The following TMPRSS11A variants were observed in gnomAD, a reference collection of about 807,000 sequenced individuals.
The protein encoded by TMPRSS11A is transmembrane protease serine 11A.
TMPRSS11A carries 53 observed loss-of-function variants against 58.9 expected under a neutral mutation model. The observed-to-expected ratio is 0.90, with a 90% CI of 0.72 to 1.13. The LOEUF (loss-of-function observed/expected upper bound fraction) is 1.13, where lower values mean the gene tolerates loss of function less well. Ranked by LOEUF, TMPRSS11A falls within the 50% of genes most tolerant of loss-of-function variation. The pLI, the probability that TMPRSS11A is intolerant of heterozygous loss-of-function variation, is 0.00. For missense variants in TMPRSS11A, 493 were observed against 499.3 expected (o/e 0.99, Z 0.12); for synonymous variants, 167 against 169.8 (o/e 0.98, Z 0.13).
intron 1 of TMPRSS11A, among the ~76,000 whole-genome samples, chr4:67,958,552 G>A (rs1248429533): frequency 1.3e-5 from 2 of 152,212 alleles, no homozygotes; most frequent in Non-Finnish European, 2.9e-5. Flanking sequence ...TCCAGTGCCT[G>A]TCCCTCTGTT....
chr4:67,919,025 G>A lies in TMPRSS11A; in HGVS notation c.900C>T (p.Phe300=), dbSNP rs763068844. ...TGATGTGGACAGTCAAATTTGGTTG[G>A]AAGGATGCAGAGGCTTCTGGCAAAC... ...QICLPEASAS[F]QPNLTVHITG... The change falls in exon 8 of 10, where the codon TTC becomes TTT. Residue 300 remains phenylalanine, a synonymous_variant. Coordinates refer to ENST00000508048, the MANE Select transcript of TMPRSS11A (RefSeq NM_001114387.2). 2.5e-6 allele frequency: 4 copies of A among 1,614,052 alleles called. No individual in the cohort carries two copies. The highest frequency in any genetic ancestry group is 2.5e-6 in the Non-Finnish European group (3 of 1,180,030).
chr4:67,929,780 G>T, intron 5 of TMPRSS11A, 100 bp downstream of exon 5: 1 of 1,102,906 alleles, frequency 9.1e-7, no homozygotes, highest in Non-Finnish European at 1.3e-6. Context: ...CTGAATTCTA[G>T]CTATTATTTG....
At chr4:67,925,546 C>G (rs1341654392) in intron 5 of TMPRSS11A, among the ~76,000 whole-genome samples, 1 of 152,164 alleles carries the variant, frequency 6.6e-6, no homozygotes, top group Non-Finnish European at 1.5e-5. Context: ...AAAGTGGGAG[C>G]TTTTGAAAAT....
At chr4:67,929,110 T>A (rs868201869) in intron 5 of TMPRSS11A, among the ~76,000 whole-genome samples, 2 of 152,330 alleles carry the variant, frequency 1.3e-5, no homozygotes, top group South Asian at 2.1e-4. Flanking sequence ...AGATTTAAAT[T>A]TGATTCTTAG....
rs781598651 is a variant in TMPRSS11A at position 67,946,554 on chromosome 4, G to T, written c.29C>A (p.Thr10Asn). 2 of 1,611,046 alleles carry T rather than the reference G, an allele frequency of 1.2e-6. No individual in the cohort carries two copies. The highest frequency in any genetic ancestry group is 1.7e-5 in the Admixed American group (1 of 59,508). The change falls in exon 2 of 10, where the codon ACC becomes AAC. Residue 10 changes from threonine (T) to asparagine (N), a missense_variant. Coordinates refer to ENST00000508048, the MANE Select transcript of TMPRSS11A (RefSeq NM_001114387.2). ...CCATGGCTTCAGATTTCTGCTTCGG[G>T]TGCCAAATCCCACTGTCCTGAGAAA... MMYRTVGFG[T>N]RSRNLKPWMI...
In TMPRSS11A at chr4:67,930,135, G is replaced by T. The variant is rs1290885472; in HGVS notation, c.321-95C>A. ...TCTTCCTCCCCTGAATGATCCCTCA[G>T]TTGCTGAGAGTGTCAAGTGCTGATC... On this transcript the variant is annotated intron_variant, in intron 4 of 9. Coordinates refer to ENST00000508048, the MANE Select transcript of TMPRSS11A (RefSeq NM_001114387.2). 2.6e-6 allele frequency: 3 copies of T among 1,139,940 alleles called. No homozygotes were observed. In the Admixed American group the frequency reaches 6.6e-5, roughly 25 times the overall value. The allele number at this position is 1,139,940 out of a possible 1,614,324, so 70.6% of individuals were successfully genotyped here.
At chr4:67,950,676 C>T (rs1370451966) in intron 1 of TMPRSS11A, among the ~76,000 whole-genome samples, 1 of 152,120 alleles carries the variant, frequency 6.6e-6, no homozygotes, top group Non-Finnish European at 1.5e-5. Context: ...GGAAAATGAA[C>T]AGAAATCTAC....
intron 5 of TMPRSS11A, among the ~76,000 whole-genome samples, chr4:67,926,512 G>T (rs1270430063): frequency 6.6e-6 from 1 of 152,194 alleles, no homozygotes; most frequent in Non-Finnish European, 1.5e-5. Context: ...CAGTGATGGT[G>T]GTGGGTCCCC....
At chr4:67,958,926 G>A (rs551186067) in intron 1 of TMPRSS11A, among the ~76,000 whole-genome samples, 20 of 152,246 alleles carry the variant, frequency 1.3e-4, no homozygotes, top group Non-Finnish European at 2.5e-4. Flanking sequence ...GGTTTTATAA[G>A]AAGCTCTCTT....
chr4:67,914,702 G>A lies in TMPRSS11A; in HGVS notation c.981C>T (p.Ala327=), dbSNP rs1720101292. The A allele has an allele frequency of 6.2e-7, 1 of 1,612,224 alleles. No homozygotes were observed. Among genetic ancestry groups the A allele is most frequent in the Non-Finnish European group, 8.5e-7 (1 of 1,179,108 alleles). The part of the protein sequence containing the change: ...GGESQNDLRE[A]RVKIISDDVC... ...CATCATCACTTATGATTTTCACTCT[G>A]GCTTCTCGGAGATCATTTTGGGATT... Residue 327 remains alanine (A), a synonymous_variant, in exon 9 of 10, where the codon GCC becomes GCT. Coordinates refer to ENST00000508048, the MANE Select transcript of TMPRSS11A (RefSeq NM_001114387.2).
chr4:67,940,103 T>C (rs995926164), intron 3 of TMPRSS11A, among the ~76,000 whole-genome samples: 2 of 152,226 alleles, frequency 1.3e-5, no homozygotes, highest in Non-Finnish European at 1.5e-5. Context: ...TTTGGAAAAT[T>C]AACTTTTTGA....
At position 67,909,585 on chromosome 4, in the gene TMPRSS11A, A is replaced by C. The variant is rs1391497565; in HGVS notation, c.*1757T>G. ...ATAATATAGAATAATTTATATGCCTATGTATATTTATATATGAAGAAGAAA... is the reference window on the plus strand; with the variant it reads ...ATAATATAGAATAATTTATATGCCTCTGTATATTTATATATGAAGAAGAAA... On this transcript the variant is annotated 3_prime_UTR_variant, in exon 10 of 10. Coordinates refer to ENST00000508048, the MANE Select transcript of TMPRSS11A (RefSeq NM_001114387.2). 3.3e-5 allele frequency: 5 copies of C among 152,196 alleles called. No homozygotes were observed. Among genetic ancestry groups the C allele is most frequent in the African/African-American group, 1.2e-4 (5 of 41,460 alleles). The allele number at this position is 152,196 out of a possible 1,614,324, so 9.4% of individuals were successfully genotyped here.
chr4:67,918,676 A>C (rs1720224491), intron 8 of TMPRSS11A, among the ~76,000 whole-genome samples: 1 of 152,206 alleles, frequency 6.6e-6, no homozygotes, highest in Non-Finnish European at 1.5e-5. Flanking sequence ...GGGGCAAAAA[A>C]TTCAAATTCA....
intron 5 of TMPRSS11A, 130 bp from the exon 6 acceptor site, chr4:67,924,296 A>G: frequency 1.3e-6 from 1 of 785,608 alleles, no homozygotes; most frequent in Non-Finnish European, 2.2e-6. Context: ...TAATTAGGAG[A>G]ATGGCTATCT....
At chr4:67,955,652 C>T (rs1721273104) in intron 1 of TMPRSS11A, among the ~76,000 whole-genome samples, 2 of 152,096 alleles carry the variant, frequency 1.3e-5, no homozygotes, top group South Asian at 4.1e-4. Flanking sequence ...TCCATGTATC[C>T]ATCCATCCAT....
intron 8 of TMPRSS11A, among the ~76,000 whole-genome samples, chr4:67,916,395 AGTGT>A (rs1056566332): frequency 5.3e-5 from 8 of 152,142 alleles, no homozygotes; most frequent in African/African-American, 1.7e-4. Context: ...GGAAGATTTA[AGTGT>A]GTAACTCAGA....
intron 2 of TMPRSS11A, among the ~76,000 whole-genome samples, chr4:67,945,956 T>C (rs1485220743): frequency 6.6e-6 from 1 of 152,224 alleles, no homozygotes; most frequent in East Asian, 1.9e-4. Flanking sequence ...GTGTCATACG[T>C]ATAGGTTTTC....
chr4:67,924,959 A>G (rs1470498990), intron 5 of TMPRSS11A, among the ~76,000 whole-genome samples: 1 of 143,962 alleles, frequency 6.9e-6, no homozygotes, highest in Non-Finnish European at 1.5e-5. Flanking sequence ...ATTTACTTCG[A>G]ATTTCACATA....
At chr4:67,958,209 A>G (rs1721336022) in intron 1 of TMPRSS11A, among the ~76,000 whole-genome samples, 1 of 152,128 alleles carries the variant, frequency 6.6e-6, no homozygotes, top group Non-Finnish European at 1.5e-5. Flanking sequence ...TGCCTAATGG[A>G]GCTGTAAGAA....
Sources: allele counts gnomAD v4.1 joint callset (sites outside exome capture counted in the v4.1 genomes callset), GRCh38; gene constraint gnomAD v4.1.1; transcripts MANE v1.5; gene names NCBI Gene and HGNC (gene_info 2026-07-23, HGNC 2026-07-21).